Variants in PLEKHA8 observed in about 807,000 individuals in gnomAD.
The protein encoded by PLEKHA8 is pleckstrin homology domain containing A8.
PLEKHA8 carries 36 observed loss-of-function variants against 68.2 expected under a neutral mutation model. The ratio of observed to expected loss-of-function variants is 0.53; its 90% CI spans 0.40 to 0.70. The LOEUF is 0.70. Among genes scored for constraint, PLEKHA8 ranks in the 30% least tolerant of loss-of-function variants. The probability of loss-of-function intolerance (pLI) is 0.00; values close to 1 mark genes in which losing one functional copy is unlikely to be tolerated. For missense variants in PLEKHA8, 505 were observed against 615.4 expected, an observed-to-expected ratio of 0.82 and a Z score of 1.90; for synonymous variants, 211 against 216.1, an observed-to-expected ratio of 0.98 and a Z score of 0.20.
intron 13 of PLEKHA8, among the ~76,000 whole-genome samples, chr7:30,097,721 C>T (rs1017425604): frequency 2.0e-5 from 3 of 152,096 alleles, no homozygotes; most frequent in Admixed American, 6.6e-5. Context: ...TCTAGTTAGC[C>T]GTTTGTCTAA....
chr7:30,079,633 C>A lies in PLEKHA8; in HGVS notation c.*846C>A. 1 of 634,762 alleles carries A rather than the reference C, an allele frequency of 1.6e-6. No individual in the cohort carries two copies. The highest frequency in any genetic ancestry group is 2.0e-6 in the Non-Finnish European group (1 of 509,700). 39.3% of individuals were successfully genotyped at this position (634,762 alleles called of 1,614,324 possible). On this transcript the variant is annotated 3_prime_UTR_variant, in exon 14 of 14. Coordinates refer to ENST00000449726, the MANE Select transcript of PLEKHA8 (RefSeq NM_001197026.2). Reference sequence around the variant, plus strand: ...AAGTTGAGGGATCTGTTCACAGTCACATAGTTTTTAAGCAGAGGAGCCAGA... The same window carrying A: ...AAGTTGAGGGATCTGTTCACAGTCAAATAGTTTTTAAGCAGAGGAGCCAGA...
downstream of PLEKHA8, among the ~76,000 whole-genome samples, chr7:30,093,535 C>T (rs1795495298): frequency 6.6e-6 from 1 of 152,190 alleles, no homozygotes; most frequent in African/African-American, 2.4e-5. Context: ...CCCAGCACTG[C>T]CACACCCTCA....
In PLEKHA8 at chr7:30,083,529, A is replaced by T; in HGVS notation, c.*4742A>T. 1 of 985,370 alleles carries T rather than the reference A, an allele frequency of 1.0e-6. No homozygotes were observed. The highest frequency in any genetic ancestry group is 1.2e-6 in the Non-Finnish European group (1 of 829,932). 61.0% of individuals were successfully genotyped at this position (985,370 alleles called of 1,614,324 possible). On this transcript the variant is annotated 3_prime_UTR_variant, in exon 14 of 14. Coordinates refer to ENST00000449726, the MANE Select transcript of PLEKHA8 (RefSeq NM_001197026.2). ...GCATGATTTCTCATTGCACTGCTGC[A>T]TTCAGGCACTCCAGGGCATGATTAA... is the stretch of plus-strand genomic sequence containing the variant.
Position 30,083,149 on chromosome 7 carries a change from G to C in PLEKHA8, c.*4362G>C. The C allele has an allele frequency of 5.1e-6, 5 of 983,590 alleles. No individual in the cohort carries two copies. Among genetic ancestry groups the C allele is most frequent in the Non-Finnish European group, 6.0e-6 (5 of 828,392 alleles). 60.9% of individuals were successfully genotyped at this position (983,590 alleles called of 1,614,324 possible). ...GAGCTGATGTGTTTGGTCTTAGAGG[G>C]CCTGACTTCAGATACTCTTTGTGAT... On this transcript the variant is annotated 3_prime_UTR_variant, in exon 14 of 14. Coordinates refer to ENST00000449726, the MANE Select transcript of PLEKHA8 (RefSeq NM_001197026.2).
At chr7:30,050,640 A>G (rs1792333429) in intron 6 of PLEKHA8, 166 bp downstream of exon 6, 2 of 937,248 alleles carry the variant, frequency 2.1e-6, no homozygotes, top group Non-Finnish European at 3.0e-6. Context: ...GCCTGAATCA[A>G]CCCAGAGCAG....
chr7:30,069,417 C>G (rs1466351149), intron 12 of PLEKHA8, among the ~76,000 whole-genome samples: 2 of 152,200 alleles, frequency 1.3e-5, no homozygotes, highest in Admixed American at 6.5e-5. Flanking sequence ...GCCAAAATAA[C>G]TTTACCAATT....
chr7:30,069,703 GAC>G (rs1794108962), intron 12 of PLEKHA8: 1 of 152,148 alleles, frequency 6.6e-6, no homozygotes, highest in Admixed American at 6.5e-5. Flanking sequence ...CAGTTTTTTT[GAC>G]AGAATGGTGT....
At chr7:30,068,958 G>A (rs1794049884) in intron 12 of PLEKHA8, among the ~76,000 whole-genome samples, 1 of 152,156 alleles carries the variant, frequency 6.6e-6, no homozygotes, top group Non-Finnish European at 1.5e-5. Flanking sequence ...TGTCTTAGCA[G>A]CATTTATTGG....
At chr7:30,071,748 A>G (rs1198969321) in intron 12 of PLEKHA8, 1 of 152,240 alleles carries the variant, frequency 6.6e-6, no homozygotes, top group Non-Finnish European at 1.5e-5. Context: ...ATGGCATTTA[A>G]TGCCCTGCAT....
rs771453754 is a variant in PLEKHA8 at position 30,052,762 on chromosome 7, G to C, written c.692G>C (p.Gly231Ala). 2 of 1,567,932 alleles carry C rather than the reference G, an allele frequency of 1.3e-6. No individual in the cohort carries two copies. The highest frequency in any genetic ancestry group is 2.4e-5 in the South Asian group (2 of 82,686). The part of the protein sequence containing the change: ...ENGSLNMEIN[G>A]EEEILMKNKN... Reference sequence around the variant, plus strand: ...GGATCTTTAAATATGGAAATAAATGGTGAGGAAGAAATCCTAATGAAAAAT... The same window carrying C: ...GGATCTTTAAATATGGAAATAAATGCTGAGGAAGAAATCCTAATGAAAAAT... The change falls in exon 7 of 14, where the codon GGT becomes GCT. Residue 231 changes from glycine (G) to alanine (A), a missense_variant. By Grantham distance (60) the Gly-to-Ala change is moderately conservative. Coordinates refer to ENST00000449726, the MANE Select transcript of PLEKHA8 (RefSeq NM_001197026.2).
chr7:30,050,491 C>G lies in PLEKHA8; in HGVS notation c.638+17C>G. ...ATTGGAAAGGTACAGTAGCTTTTTTCTTCTTGCTAAAAATTAAAAAAAAAT... is the reference window on the plus strand; with the variant it reads ...ATTGGAAAGGTACAGTAGCTTTTTTGTTCTTGCTAAAAATTAAAAAAAAAT... On this transcript the variant is annotated intron_variant, in intron 6 of 13. Coordinates refer to ENST00000449726, the MANE Select transcript of PLEKHA8 (RefSeq NM_001197026.2). 1.9e-6 allele frequency: 3 copies of G among 1,538,780 alleles called. No homozygotes were observed. Among genetic ancestry groups the G allele is most frequent in the Non-Finnish European group, 1.7e-6 (2 of 1,147,332 alleles).
intron 2 of PLEKHA8, 81 bp from the exon 3 acceptor site, chr7:30,046,129 A>T: frequency 7.5e-7 from 1 of 1,328,412 alleles, no homozygotes; most frequent in Non-Finnish European, 1.0e-6. Flanking sequence ...GCCATCAATT[A>T]AGCTCAAGAA....
downstream of PLEKHA8, among the ~76,000 whole-genome samples, chr7:30,085,035 C>T (rs1795126393): frequency 6.6e-6 from 1 of 151,554 alleles, no homozygotes; most frequent in African/African-American, 2.4e-5. Flanking sequence ...ACCTCCACTT[C>T]CTGGGTTCAA....
intron 13 of PLEKHA8, among the ~76,000 whole-genome samples, chr7:30,117,118 A>G (rs377030524): frequency 6.6e-5 from 10 of 152,180 alleles, no homozygotes; most frequent in African/African-American, 2.4e-4. Context: ...GACAGCCTGG[A>G]AATTGTGAGA....
chr7:30,116,403 GTGTAT>G (rs1192318421), intron 13 of PLEKHA8, among the ~76,000 whole-genome samples: 2 of 151,890 alleles, frequency 1.3e-5, no homozygotes, highest in Non-Finnish European at 2.9e-5. Flanking sequence ...TCACCTAATA[GTGTAT>G]TGTATTTTTC....
intron 1 of PLEKHA8, among the ~76,000 whole-genome samples, chr7:30,035,586 T>G (rs1264537300): frequency 6.6e-6 from 1 of 152,148 alleles, no homozygotes; most frequent in Non-Finnish European, 1.5e-5. Context: ...TTTTAAAAGT[T>G]AATTGTTCTT....
At chr7:30,102,135 A>T (rs1320896235) in intron 13 of PLEKHA8, among the ~76,000 whole-genome samples, 1 of 152,252 alleles carries the variant, frequency 6.6e-6, no homozygotes, top group East Asian at 1.9e-4. Flanking sequence ...ACTTGAATAG[A>T]CATTTCTCTA....
At chr7:30,120,742 C>A (rs1465223439) in intron 13 of PLEKHA8, among the ~76,000 whole-genome samples, 1 of 152,172 alleles carries the variant, frequency 6.6e-6, no homozygotes, top group East Asian at 1.9e-4. Context: ...TCCTGTAATT[C>A]AGTTGGCTTG....
intron 13 of PLEKHA8, among the ~76,000 whole-genome samples, chr7:30,098,811 C>G (rs118084279): frequency 0.019 from 2,878 of 152,354 alleles, 43 homozygotes; most frequent in East Asian, 0.04. Flanking sequence ...TGCTTTGGCT[C>G]ACGCATGGTG....
Sources: allele counts gnomAD v4.1 joint callset (sites outside exome capture counted in the v4.1 genomes callset), GRCh38; gene constraint gnomAD v4.1.1; transcripts MANE v1.5; gene names NCBI Gene and HGNC (gene_info 2026-07-23, HGNC 2026-07-21).